Variants in MLF1 observed in about 807,000 individuals in gnomAD.
MLF1 encodes myelodysplasia-myeloid leukemia factor 1.
Under a neutral mutation model 38.3 loss-of-function variants are expected in MLF1, and 37 were observed. The ratio of observed to expected loss-of-function variants is 0.96; its 90% CI spans 0.74 to 1.27. The LOEUF (loss-of-function observed/expected upper bound fraction) is 1.27. MLF1 is among the 50% of genes most tolerant of loss of function. The probability of loss-of-function intolerance (pLI) is 0.00; values close to 1 mark genes in which losing one functional copy is unlikely to be tolerated. For synonymous variants in MLF1, 95 were observed against 106.5 expected (o/e 0.89, Z 0.66); for missense variants, 331 against 349.2 (o/e 0.95, Z 0.42).
intron 1 of MLF1, among the ~76,000 whole-genome samples, chr3:158,588,600 CAAAAAA>C (rs67267045): frequency 3.9e-5 from 2 of 51,274 alleles, no homozygotes; most frequent in East Asian, 4.4e-4. Flanking sequence ...GACTCCGTCT[CAAAAAA>C]AAAAAAAAAA....
intron 2 of MLF1, 97 bp from the exon 3 acceptor site, chr3:158,593,285 G>A (rs1227992627): frequency 3.3e-6 from 3 of 903,898 alleles, no homozygotes; most frequent in Non-Finnish European, 4.9e-6. Context: ...CAATTGAAAT[G>A]TAGCAATTTG....
At position 158,599,994 on chromosome 3, in the gene MLF1, A is replaced by G; in HGVS notation, c.454-20A>G. On this transcript the variant is annotated intron_variant, in intron 5 of 7. Coordinates refer to ENST00000466246, the MANE Select transcript of MLF1 (RefSeq NM_001369783.1). ...TTCTATATATATTTAAATAATAATA[A>G]AATTTCTTTATTTTTACAGATAAAG... The G allele has an allele frequency of 8.0e-7, 1 of 1,252,820 alleles. No individual in the cohort carries two copies. The allele number at this position is 1,252,820 out of a possible 1,614,324, so 77.6% of individuals were successfully genotyped here. A position where few individuals can be genotyped will look rare whatever the true frequency, so the allele number is the denominator to read the frequency against.
At chr3:158,598,930 T>C (rs1333674278) in intron 5 of MLF1, among the ~76,000 whole-genome samples, 3 of 152,214 alleles carry the variant, frequency 2.0e-5, no homozygotes, top group Non-Finnish European at 2.9e-5. Flanking sequence ...TCATATTGCA[T>C]ATGTCCTCTG....
rs60731735 is a variant in MLF1 at position 158,594,039 on chromosome 3, GT to G, written c.240+622del. Among the ~76,000 whole-genome samples the G allele has an allele frequency of 5.8e-4, 88 of 151,212 alleles. 1 individual carries two copies. Among genetic ancestry groups the G allele is most frequent in the African/African-American group, 2.0e-3 (84 of 41,196 alleles). ...TTGTATCTACAGTCTCATGAAAACG[GT>G]TTTTTTTTAATTATTTTGTGCTACA... On this transcript the variant is annotated intron_variant, in intron 3 of 7. Transcript: ENST00000466246.
At chr3:158,598,278 T>G in intron 5 of MLF1, 70 bp downstream of exon 5, 2 of 1,449,498 alleles carry the variant, frequency 1.4e-6, no homozygotes, top group Non-Finnish European at 1.8e-6. Context: ...GATCAAATTT[T>G]AACTATTAAA....
intron 1 of MLF1, among the ~76,000 whole-genome samples, chr3:158,587,624 G>C (rs1047980714): frequency 6.6e-6 from 1 of 152,168 alleles, no homozygotes; most frequent in Non-Finnish European, 1.5e-5. Context: ...CCTTGAACAT[G>C]GGCTGAGACT....
chr3:158,578,204 G>A (rs1715760504), intron 1 of MLF1, among the ~76,000 whole-genome samples: 2 of 152,046 alleles, frequency 1.3e-5, no homozygotes, highest in African/African-American at 4.8e-5. Flanking sequence ...ATAACCATCT[G>A]CTGGCTAAGC....
rs144633288 is a variant in MLF1, at chr3:158,583,361, T to G, written c.48-9073T>G. 7.8e-4 allele frequency among the ~76,000 whole-genome samples: 118 copies of G among 152,152 alleles called. 2 individuals carry two copies. The East Asian group carries it at 0.022, about 28-fold the overall frequency. On this transcript the variant is annotated intron_variant, in intron 1 of 7. Transcript: ENST00000466246. ...AGAAGAGGCCTCAAGAGAAATGAAC[T>G]TTGCTGACATGTTGATCTCAGACTT...
chr3:158,597,062 T>A (rs187121606), intron 4 of MLF1, 117 bp downstream of exon 4: 190 of 572,398 alleles, frequency 3.3e-4, no homozygotes, highest in Admixed American at 1.9e-3. Context: ...CTTACATGAT[T>A]AACCCAATAA....
intron 4 of MLF1, 36 bp downstream of exon 4, chr3:158,596,981 T>A: frequency 7.7e-7 from 1 of 1,298,152 alleles, no homozygotes; most frequent in Non-Finnish European, 1.1e-6. Context: ...GAACATTGTG[T>A]ATACTTTGAT....
rs144950532 is a variant in MLF1 at position 158,591,038 on chromosome 3, T to C, written c.48-1396T>C. ...AGCTCTTTTGGAATAGGTTTATGTA[T>C]ACAAATACTATGAAATTCAGAGGAA... On this transcript the variant is annotated intron_variant, in intron 1 of 7. Transcript: ENST00000466246. 530 of 464,536 alleles carry C rather than the reference T, an allele frequency of 1.1e-3. 4 individuals carry two copies. Among genetic ancestry groups the C allele is most frequent in the African/African-American group, 9.4e-3 (472 of 50,032 alleles). The allele number at this position is 464,536 out of a possible 1,614,324, so 28.8% of individuals were successfully genotyped here. A position where few individuals can be genotyped will look rare whatever the true frequency, so the allele number is the denominator to read the frequency against.
At chr3:158,582,186 A>G (rs1055740888) in intron 1 of MLF1, among the ~76,000 whole-genome samples, 1 of 152,158 alleles carries the variant, frequency 6.6e-6, no homozygotes, top group African/African-American at 2.4e-5. Flanking sequence ...TCAAAAAAAA[A>G]AGAGAGAAAT....
rs114083297 is a variant in MLF1, at chr3:158,595,930, G to A, written c.241-932G>A. ...GTGCCTGACTTTTATTTTCTGGTGA[G>A]TCTTCCAGTGATAAAACCTAAAATC... On this transcript the variant is annotated intron_variant, in intron 3 of 7. Transcript: ENST00000466246. Among the ~76,000 whole-genome samples, 783 of 152,218 alleles carry A rather than the reference G, an allele frequency of 5.1e-3. 7 individuals carry two copies. The highest frequency in any genetic ancestry group is 0.018 in the African/African-American group (756 of 41,552).
chr3:158,590,936 C>CAG, intron 1 of MLF1: 1 of 407,670 alleles, frequency 2.5e-6, no homozygotes, highest in South Asian at 1.8e-5. Context: ...TCCAGTTAAG[C>CAG]AGTTTGCTAA....
At position 158,602,853 on chromosome 3, in the gene MLF1, G is replaced by C; in HGVS notation, c.660G>C (p.Lys220Asn). Residue 220 changes from lysine to asparagine, a missense_variant, in exon 7 of 8, where the codon AAG becomes AAC. By Grantham distance (94) the Lys-to-Asn change is moderately conservative. Transcript: ENST00000466246. ...AGGAGTGGCAAAGTGAGGTTTTGAA[G>C]TACAAACCAGGACGACACAATCTAG... ...FDEEWQSEVL[K>N]YKPGRHNLGN... 1 of 1,613,778 alleles carries C rather than the reference G, an allele frequency of 6.2e-7. No homozygotes were observed. Among genetic ancestry groups the C allele is most frequent in the South Asian group, 1.1e-5 (1 of 91,072 alleles).
chr3:158,600,200 C>A (rs778461908), intron 6 of MLF1, 27 bp downstream of exon 6: 4 of 1,337,588 alleles, frequency 3.0e-6, no homozygotes, highest in Non-Finnish European at 2.0e-6. Context: ...AAATAATATT[C>A]TTTCTTATAA....
At chr3:158,571,385 A>T (rs986234049) in intron 1 of MLF1, 38 bp downstream of exon 1, 3 of 1,612,266 alleles carry the variant, frequency 1.9e-6, no homozygotes, top group Non-Finnish European at 8.5e-7. Flanking sequence ...GTCGCGCGGG[A>T]ATTAAGGTAT....
chr3:158,580,382 G>T (rs1005196605), intron 1 of MLF1, among the ~76,000 whole-genome samples: 4 of 144,516 alleles, frequency 2.8e-5, no homozygotes, highest in African/African-American at 1.0e-4. Context: ...AAGTAATTTT[G>T]TTCTTCATAA....
chr3:158,585,712 CAG>C (rs1717148101), intron 1 of MLF1, among the ~76,000 whole-genome samples: 1 of 152,040 alleles, frequency 6.6e-6, no homozygotes, highest in East Asian at 1.9e-4. Flanking sequence ...ACATTCAACA[CAG>C]AATCACAGAG....
Sources: gnomAD v4.1 joint callset for allele counts (sites outside exome capture counted in the v4.1 genomes callset) on GRCh38, gnomAD v4.1.1 for gene constraint, MANE v1.5 for transcripts, NCBI Gene and HGNC (gene_info 2026-07-23, HGNC 2026-07-21) for gene names.